Variants in FBLN5 observed in about 807,000 individuals in gnomAD.
The protein encoded by FBLN5 is fibulin-5.
A neutral mutation model predicts 61.6 loss-of-function variants in FBLN5; 24 were observed. The ratio of observed to expected loss-of-function variants is 0.39; its 90% CI spans 0.28 to 0.55. The LOEUF (loss-of-function observed/expected upper bound fraction) is 0.55, where lower values mean the gene tolerates loss of function less well. Among genes scored for constraint, FBLN5 ranks in the 20% least tolerant of loss-of-function variants. The pLI, the probability that FBLN5 is intolerant of heterozygous loss-of-function variation, is 0.65. For missense variants in FBLN5, 470 were observed against 594.1 expected (o/e 0.79, Z 2.17); for synonymous variants, 213 against 219.8 (o/e 0.97, Z 0.27).
At chr14:91,941,818 C>T (rs987753600) in intron 2 of FBLN5, among the ~76,000 whole-genome samples, 3 of 152,074 alleles carry the variant, frequency 2.0e-5, no homozygotes, top group African/African-American at 4.8e-5. Flanking sequence ...GTGGTAAGGA[C>T]GATGTATGTT....
intron 4 of FBLN5, among the ~76,000 whole-genome samples, chr14:91,914,123 A>C (rs566138411): frequency 4.7e-4 from 72 of 152,206 alleles, no homozygotes; most frequent in Non-Finnish European, 3.4e-4. Flanking sequence ...CAGGCAGATC[A>C]CTTGAGCTCA....
At chr14:91,889,659 G>A (rs560407554) in intron 6 of FBLN5, among the ~76,000 whole-genome samples, 6 of 152,318 alleles carry the variant, frequency 3.9e-5, no homozygotes, top group South Asian at 4.1e-4. Flanking sequence ...ATGCTCTAGC[G>A]TGTACAGCAC....
chr14:91,876,241 G>C (rs10484030), intron 10 of FBLN5, among the ~76,000 whole-genome samples: 42,319 of 152,106 alleles, frequency 0.28, 6,061 homozygotes, highest in Middle Eastern at 0.39. Context: ...CAGCCTTATC[G>C]GGAAGATTTC....
intron 6 of FBLN5, among the ~76,000 whole-genome samples, chr14:91,888,663 C>T (rs1343531029): frequency 6.6e-6 from 1 of 151,020 alleles, no homozygotes; most frequent in Non-Finnish European, 1.5e-5. Context: ...CAGACACACA[C>T]ACATATACAT....
At position 91,906,790 on chromosome 14, in the gene FBLN5, C is replaced by T. The variant is rs138655171; in HGVS notation, c.380-11718G>A. ...CTTGCCCTCCCTCCCACCATAAAGG[C>T]ACAGTGCCCGAGTCCCACTGCCCCC... On this transcript the variant is annotated intron_variant, in intron 4 of 10. Coordinates refer to ENST00000342058, the MANE Select transcript of FBLN5 (RefSeq NM_006329.4). 1.2e-3 allele frequency among the ~76,000 whole-genome samples: 183 copies of T among 152,294 alleles called. 1 individual carries two copies. Among genetic ancestry groups the T allele is most frequent in the African/African-American group, 4.2e-3 (173 of 41,552 alleles).
chr14:91,881,229 C>T (rs1283824973), intron 9 of FBLN5, 63 bp downstream of exon 9: 1 of 1,603,942 alleles, frequency 6.2e-7, no homozygotes, highest in South Asian at 1.1e-5. Flanking sequence ...CACACCACAC[C>T]TCCAACCTCC....
At chr14:91,887,928 G>T (rs1889801959) in intron 6 of FBLN5, among the ~76,000 whole-genome samples, 1 of 152,008 alleles carries the variant, frequency 6.6e-6, no homozygotes, top group Non-Finnish European at 1.5e-5. Context: ...GTTTCATGCG[G>T]GTACACGTAT....
At chr14:91,926,416 A>G (rs1000438399) in intron 4 of FBLN5, among the ~76,000 whole-genome samples, 8 of 152,134 alleles carry the variant, frequency 5.3e-5, no homozygotes, top group Non-Finnish European at 1.2e-4. Flanking sequence ...TGTGTGGTAC[A>G]TGTGTCCACA....
At chr14:91,934,269 A>G (rs2055976285) in intron 4 of FBLN5, among the ~76,000 whole-genome samples, 1 of 152,212 alleles carries the variant, frequency 6.6e-6, no homozygotes, top group South Asian at 2.1e-4. Context: ...GCACCCTCGA[A>G]CAAATCTATA....
chr14:91,883,649 AAAAAAAAC>A (rs1889583071), intron 7 of FBLN5, among the ~76,000 whole-genome samples: 1 of 149,726 alleles, frequency 6.7e-6, no homozygotes, highest in African/African-American at 2.4e-5. Flanking sequence ...ACTGTGTAAA[AAAAAAAAC>A]AAAAAAAACA....
rs1889446520 is a variant in FBLN5, at chr14:91,881,275, G to A, written c.989+17C>T. On this transcript the variant is annotated intron_variant, in intron 9 of 10. Transcript: ENST00000342058. The stretch of plus-strand genomic sequence containing the variant: ...CCTCATCAGGTTTCTATTCCCCAGG[G>A]GGACGCCGTGACTTACTTATCACTG... 16 of 1,613,814 alleles carry A rather than the reference G, an allele frequency of 9.9e-6. No homozygotes were observed. The highest frequency in any genetic ancestry group is 1.4e-5 in the Non-Finnish European group (16 of 1,179,908).
chr14:91,919,429 GGAA>G (rs2055693080), intron 4 of FBLN5, among the ~76,000 whole-genome samples: 1 of 150,424 alleles, frequency 6.6e-6, no homozygotes, highest in Non-Finnish European at 1.5e-5. Context: ...AAGGAAGGAA[GGAA>G]GGATTACCAG....
intron 10 of FBLN5, among the ~76,000 whole-genome samples, chr14:91,876,675 G>C (rs556235184): frequency 1.1e-4 from 17 of 152,298 alleles, no homozygotes; most frequent in African/African-American, 3.9e-4. Flanking sequence ...GCGGCCCCCG[G>C]AAGCTGGAAG....
chr14:91,928,768 C>T (rs1487763612), intron 4 of FBLN5, among the ~76,000 whole-genome samples: 1 of 151,416 alleles, frequency 6.6e-6, no homozygotes, highest in Non-Finnish European at 1.5e-5. Context: ...AGAGCAAGAC[C>T]CTGTCTCAGG....
intron 2 of FBLN5, among the ~76,000 whole-genome samples, chr14:91,941,514 T>G (rs2056103719): frequency 6.6e-6 from 1 of 152,096 alleles, no homozygotes; most frequent in Admixed American, 6.5e-5. Context: ...GCTGAGCTGT[T>G]GGTTGATTTG....
At chr14:91,928,570 G>C (rs947890332) in intron 4 of FBLN5, among the ~76,000 whole-genome samples, 4 of 152,140 alleles carry the variant, frequency 2.6e-5, no homozygotes, top group Non-Finnish European at 5.9e-5. Context: ...CCAGGAGTTA[G>C]AGACTAGCCT....
At chr14:91,934,788 C>T (rs185322587) in intron 4 of FBLN5, among the ~76,000 whole-genome samples, 3 of 152,254 alleles carry the variant, frequency 2.0e-5, no homozygotes, top group East Asian at 1.9e-4. Flanking sequence ...TCCCACCTTC[C>T]GCCACGGTGC....
At chr14:91,890,380 C>A (rs1034529863) in intron 6 of FBLN5, among the ~76,000 whole-genome samples, 2 of 152,186 alleles carry the variant, frequency 1.3e-5, no homozygotes, top group African/African-American at 4.8e-5. Context: ...GGTCTCCAGA[C>A]AAAGACCTCA....
Position 91,882,671 on chromosome 14 carries a change from A to AT in FBLN5, c.862+282_862+283insA, listed in dbSNP as rs1889532353. On this transcript the variant is annotated intron_variant, in intron 8 of 10. Coordinates refer to ENST00000342058, the MANE Select transcript of FBLN5 (RefSeq NM_006329.4). This position sits in a 1 kb window ranked among gnomAD's most constrained non-coding sequence, Gnocchi z 4.9. ...CTCAGAGATCTGCCTGGGGAGGCAG[A>AT]AAGCCACGCTTAGAGGCTGCCGTCT... 6.6e-6 allele frequency among the ~76,000 whole-genome samples: 1 copy of AT among 152,258 alleles called. No homozygotes were observed. The highest frequency in any genetic ancestry group is 1.5e-5 in the Non-Finnish European group (1 of 68,038).
Sources: gnomAD v4.1 joint callset for allele counts (sites outside exome capture counted in the v4.1 genomes callset) on GRCh38, gnomAD v4.1.1 for gene constraint, Gnocchi (gnomAD v3.1) non-coding constraint, MANE v1.5 for transcripts, NCBI Gene and HGNC (gene_info 2026-07-23, HGNC 2026-07-21) for gene names.